Variants in MPP7 observed in about 807,000 individuals in gnomAD.
MPP7 encodes the protein MAGUK p55 subfamily member 7.
A neutral mutation model predicts 76.5 loss-of-function variants in MPP7; 60 were observed. That is an observed-to-expected ratio of 0.78 (90% CI 0.64 to 0.97). MPP7 has a LOEUF of 0.97. Among genes scored for constraint, MPP7 ranks in the 50% least tolerant of loss-of-function variants. The pLI, the probability that MPP7 is intolerant of heterozygous loss-of-function variation, is 0.00. For missense variants in MPP7, 641 were observed against 694.0 expected (o/e 0.92, Z 0.86); for synonymous variants, 237 against 244.5 (o/e 0.97, Z 0.29).
Position 28,175,251 on chromosome 10 carries a change from T to C in MPP7, c.157-25192A>G, listed in dbSNP as rs976515852. 1.1e-4 allele frequency among the ~76,000 whole-genome samples: 17 copies of C among 151,474 alleles called. 1 individual carries two copies. Among genetic ancestry groups the C allele is most frequent in the Non-Finnish European group, 2.1e-4 (14 of 67,854 alleles). On this transcript the variant is annotated intron_variant, in intron 3 of 16. Coordinates refer to ENST00000683449, the MANE Select transcript of MPP7 (RefSeq NM_001318170.2). ...GGTGCAGTGAGCTGAGATTGCATCA[T>C]TGCACTCCAGCCTGGGTAACAGAGT...
At chr10:28,241,027 C>T (rs1839250620) in intron 1 of MPP7, among the ~76,000 whole-genome samples, 1 of 151,970 alleles carries the variant, frequency 6.6e-6, no homozygotes, top group Non-Finnish European at 1.5e-5. Context: ...GTATAGATTG[C>T]ACATATGCTA....
intron 3 of MPP7, among the ~76,000 whole-genome samples, chr10:28,185,554 C>G (rs947286672): frequency 6.6e-6 from 1 of 152,160 alleles, no homozygotes; most frequent in Non-Finnish European, 1.5e-5. Flanking sequence ...GTGAAGGAAT[C>G]ATGGAAGTCG....
At chr10:28,266,021 A>G (rs531385241) in intron 1 of MPP7, among the ~76,000 whole-genome samples, 190 of 152,164 alleles carry the variant, frequency 1.2e-3, no homozygotes, top group Non-Finnish European at 1.8e-3. Flanking sequence ...AGGCTGGAGT[A>G]CTCAGGAGGC....
chr10:28,313,701 T>C (rs11007010), intron 2 of MPP7, among the ~76,000 whole-genome samples: 18,056 of 151,960 alleles, frequency 0.12, 1,654 homozygotes, highest in East Asian at 0.48. Context: ...ATAATAACTT[T>C]TTTTGAGACA....
At chr10:28,101,000 A>C (rs1214020237) in intron 11 of MPP7, among the ~76,000 whole-genome samples, 3 of 152,148 alleles carry the variant, frequency 2.0e-5, no homozygotes, top group Non-Finnish European at 4.4e-5. Flanking sequence ...ACAGTTATGC[A>C]TATGTAAAAT....
intron 3 of MPP7, among the ~76,000 whole-genome samples, chr10:28,186,003 TG>T (rs1837222850): frequency 1.3e-5 from 2 of 152,206 alleles, no homozygotes; most frequent in Admixed American, 1.3e-4. Flanking sequence ...TTATTCGTCC[TG>T]TCATTTCCAA....
At chr10:28,287,369 A>G (rs1042463584) in intron 1 of MPP7, among the ~76,000 whole-genome samples, 11 of 152,244 alleles carry the variant, frequency 7.2e-5, no homozygotes, top group African/African-American at 2.7e-4. Flanking sequence ...ACAAAGACAC[A>G]AGGAAACTTT....
chr10:28,143,099 T>TA (rs758591172), intron 5 of MPP7, among the ~76,000 whole-genome samples: 10 of 150,898 alleles, frequency 6.6e-5, no homozygotes, highest in Non-Finnish European at 1.5e-4. Context: ...CCAAAAATAT[T>TA]AAAAGAAAAA....
upstream of MPP7, chr10:28,305,396 CAG>C (rs924301784): frequency 1.3e-5 from 2 of 150,790 alleles, no homozygotes; most frequent in Non-Finnish European, 3.0e-5. Flanking sequence ...TTTCCTTTTT[CAG>C]AGTCACCAGT....
At chr10:28,267,024 C>A (rs1354772028) in intron 1 of MPP7, among the ~76,000 whole-genome samples, 1 of 152,192 alleles carries the variant, frequency 6.6e-6, no homozygotes, top group Admixed American at 6.5e-5. Context: ...CTAAGGTATG[C>A]CGTGTGCCAT....
intron 3 of MPP7, among the ~76,000 whole-genome samples, chr10:28,152,166 TAGTC>T (rs1423246839): frequency 2.0e-5 from 3 of 152,230 alleles, no homozygotes; most frequent in African/African-American, 7.2e-5. Flanking sequence ...CTTTCACAAA[TAGTC>T]AGTTTCTCTT....
chr10:28,179,182 C>A (rs1458010529), intron 3 of MPP7, among the ~76,000 whole-genome samples: 2 of 152,200 alleles, frequency 1.3e-5, no homozygotes, highest in Non-Finnish European at 2.9e-5. Context: ...CCAACACACT[C>A]ACACTGGTTA....
intron 12 of MPP7, among the ~76,000 whole-genome samples, chr10:28,075,556 A>G (rs566610179): frequency 6.6e-6 from 1 of 152,246 alleles, no homozygotes; most frequent in African/African-American, 2.4e-5. Context: ...CCTTCCTTGC[A>G]CTGTACGCTG....
chr10:28,095,194 C>CATATATATATATA (rs1853505756), intron 11 of MPP7, among the ~76,000 whole-genome samples: 1 of 130,822 alleles, frequency 7.6e-6, no homozygotes, highest in African/African-American at 2.8e-5. Context: ...CACACATATG[C>CATATATATATATA]ATATATATAT....
intron 11 of MPP7, among the ~76,000 whole-genome samples, chr10:28,112,461 T>C (rs537475040): frequency 1.2e-4 from 18 of 152,290 alleles, no homozygotes; most frequent in African/African-American, 4.3e-4. Context: ...GTAATTTATA[T>C]CACATATAGT....
chr10:28,103,631 G>T (rs780527008), intron 11 of MPP7, among the ~76,000 whole-genome samples: 9 of 151,992 alleles, frequency 5.9e-5, no homozygotes, highest in East Asian at 1.9e-4. Context: ...TCAGCAATTT[G>T]TCTCCACTCC....
chr10:28,158,142 T>A (rs1426107124), intron 3 of MPP7, among the ~76,000 whole-genome samples: 1 of 152,162 alleles, frequency 6.6e-6, no homozygotes, highest in African/African-American at 2.4e-5. Flanking sequence ...GGATGATAAA[T>A]GCAATGATTT....
chr10:28,150,584 C>A (rs1835852180), intron 3 of MPP7, among the ~76,000 whole-genome samples: 1 of 152,136 alleles, frequency 6.6e-6, no homozygotes, highest in East Asian at 1.9e-4. Context: ...TGCTCAAGCA[C>A]ACTGTTCCTT....
At chr10:28,320,713 A>T (rs1834361893) in intron 2 of MPP7, among the ~76,000 whole-genome samples, 1 of 152,124 alleles carries the variant, frequency 6.6e-6, no homozygotes, top group African/African-American at 2.4e-5. Flanking sequence ...TTGTTTCATA[A>T]TCAGTGTTGT....
Sources: gnomAD v4.1 joint callset for allele counts (sites outside exome capture counted in the v4.1 genomes callset) on GRCh38, gnomAD v4.1.1 for gene constraint, MANE v1.5 for transcripts, NCBI Gene and HGNC (gene_info 2026-07-23, HGNC 2026-07-21) for gene names.